KCNT2: variants seen among roughly 807,000 people sequenced by gnomAD.
KCNT2 encodes potassium channel subfamily T member 2.
KCNT2 carries 67 observed loss-of-function variants against 153.8 expected under a neutral mutation model. The observed-to-expected ratio is 0.44, with a 90% CI of 0.36 to 0.53. KCNT2 has a LOEUF of 0.53. Among genes scored for constraint, KCNT2 ranks in the 20% least tolerant of loss-of-function variants. The pLI is 0.00. For missense variants in KCNT2, 975 were observed against 1,354.8 expected (o/e 0.72, Z 4.40); for synonymous variants, 500 against 458.8 (o/e 1.09, Z -1.15).
intron 3 of KCNT2, among the ~76,000 whole-genome samples, chr1:196,486,693 C>T (rs1008047376): frequency 5.8e-5 from 6 of 103,408 alleles, no homozygotes; most frequent in Non-Finnish European, 9.9e-5. Flanking sequence ...CCAAGATGAA[C>T]TCAAAGACTG....
intron 22 of KCNT2, among the ~76,000 whole-genome samples, chr1:196,290,518 A>T (rs1660087220): frequency 6.6e-6 from 1 of 151,886 alleles, no homozygotes; most frequent in Admixed American, 6.6e-5. Context: ...CTTCAAGTAT[A>T]TCTATGCATA....
At chr1:196,374,151 T>G (rs1463943950) in intron 13 of KCNT2, among the ~76,000 whole-genome samples, 1 of 151,864 alleles carries the variant, frequency 6.6e-6, no homozygotes. Context: ...GTATTAAAAA[T>G]AAAGAGAAGG....
chr1:196,288,626 A>G (rs111890501), intron 22 of KCNT2, among the ~76,000 whole-genome samples: 7,537 of 152,168 alleles, frequency 0.05, 284 homozygotes, highest in Non-Finnish European at 0.071. Context: ...GCAGAAACAG[A>G]TCTTATTCAG....
intron 3 of KCNT2, among the ~76,000 whole-genome samples, chr1:196,483,980 C>A (rs1295096269): frequency 6.6e-6 from 1 of 151,956 alleles, no homozygotes; most frequent in Non-Finnish European, 1.5e-5. Context: ...TTTTTATATT[C>A]TGAGTAACAT....
At chr1:196,461,724 A>G (rs1344286267) in intron 8 of KCNT2, among the ~76,000 whole-genome samples, 4 of 151,708 alleles carry the variant, frequency 2.6e-5, no homozygotes, top group Non-Finnish European at 3.0e-5. Flanking sequence ...AGAGGGGTAC[A>G]CTGCCAATAT....
chr1:196,412,919 A>G lies in KCNT2; in HGVS notation c.1185+10131T>C, dbSNP rs1672458498. Among the ~76,000 whole-genome samples the G allele has an allele frequency of 7.2e-5, 11 of 151,818 alleles. No individual in the cohort carries two copies. The South Asian group carries it at 2.3e-3, about 31-fold the overall frequency. On this transcript the variant is annotated intron_variant, in intron 12 of 27. Coordinates refer to ENST00000294725, the MANE Select transcript of KCNT2 (RefSeq NM_198503.5). ...ATGCACAAATGTAACTTCAAAAATG[A>G]AAATTGGGAAATGTAAAATTGAGAT...
intron 22 of KCNT2, 27 bp downstream of exon 22, chr1:196,305,207 A>G: frequency 8.0e-7 from 1 of 1,253,642 alleles, no homozygotes; most frequent in Non-Finnish European, 1.2e-6. Context: ...GGTTAAATCT[A>G]ATTTACTTGA....
chr1:196,589,227 A>C (rs1663047198), intron 1 of KCNT2, among the ~76,000 whole-genome samples: 1 of 150,280 alleles, frequency 6.7e-6, no homozygotes, highest in East Asian at 2.0e-4. Context: ...CCACTTGTGT[A>C]AACATAATCC....
chr1:196,334,148 AAC>A (rs1664761513), intron 16 of KCNT2, 88 bp from the exon 17 acceptor site: 1 of 740,370 alleles, frequency 1.4e-6, no homozygotes, highest in East Asian at 2.7e-5. Flanking sequence ...AAATATAATA[AAC>A]ACAATAAATA....
intron 1 of KCNT2, among the ~76,000 whole-genome samples, chr1:196,551,510 G>C (rs562217277): frequency 7.9e-5 from 12 of 151,592 alleles, no homozygotes; most frequent in Non-Finnish European, 1.6e-4. Flanking sequence ...TTGTATGCTA[G>C]AGACACATGA....
intron 12 of KCNT2, among the ~76,000 whole-genome samples, chr1:196,403,044 A>G (rs1671551296): frequency 6.6e-6 from 1 of 151,702 alleles, no homozygotes; most frequent in Admixed American, 6.6e-5. Context: ...TAACCAAATA[A>G]TCCAGCAATT....
intron 1 of KCNT2, among the ~76,000 whole-genome samples, chr1:196,605,881 C>A (rs1665261504): frequency 6.6e-6 from 1 of 152,046 alleles, no homozygotes; most frequent in Non-Finnish European, 1.5e-5. Flanking sequence ...GTAAATTATT[C>A]TTATAAGTTC....
intron 13 of KCNT2, among the ~76,000 whole-genome samples, chr1:196,374,287 T>A (rs905605190): frequency 6.6e-6 from 1 of 151,752 alleles, no homozygotes; most frequent in Non-Finnish European, 1.5e-5. Flanking sequence ...ACCATACAAT[T>A]TATGAAGAAA....
At chr1:196,405,913 A>G (rs1671793132) in intron 12 of KCNT2, among the ~76,000 whole-genome samples, 1 of 151,602 alleles carries the variant, frequency 6.6e-6, no homozygotes, top group South Asian at 2.1e-4. Context: ...CACTTATAAA[A>G]TAAATAAAGA....
intron 13 of KCNT2, among the ~76,000 whole-genome samples, chr1:196,396,468 C>T (rs1670946633): frequency 6.6e-6 from 1 of 151,568 alleles, no homozygotes; most frequent in African/African-American, 2.4e-5. Flanking sequence ...CTTACACAAA[C>T]TAAGTGACAG....
chr1:196,237,754 C>G (rs1164042240), intron 26 of KCNT2, among the ~76,000 whole-genome samples: 1 of 151,692 alleles, frequency 6.6e-6, no homozygotes, highest in East Asian at 1.9e-4. Context: ...TTTTTATTTG[C>G]TAAACCTGGT....
At chr1:196,518,939 G>A (rs975327311) in intron 1 of KCNT2, among the ~76,000 whole-genome samples, 1 of 151,962 alleles carries the variant, frequency 6.6e-6, no homozygotes, top group Non-Finnish European at 1.5e-5. Context: ...GGACCATATG[G>A]GTATGATAGA....
At chr1:196,342,797 T>A (rs1665795041) in intron 14 of KCNT2, among the ~76,000 whole-genome samples, 1 of 152,100 alleles carries the variant, frequency 6.6e-6, no homozygotes, top group Non-Finnish European at 1.5e-5. Flanking sequence ...TGTATAGCAG[T>A]CACGAAAAGA....
At chr1:196,518,659 C>A (rs537105403) in intron 1 of KCNT2, among the ~76,000 whole-genome samples, 1 of 151,836 alleles carries the variant, frequency 6.6e-6, no homozygotes, top group African/African-American at 2.4e-5. Flanking sequence ...TTTAAACTAA[C>A]AAACAACAAA....
Sources: allele counts gnomAD v4.1 joint callset (sites outside exome capture counted in the v4.1 genomes callset), GRCh38; gene constraint gnomAD v4.1.1; transcripts MANE v1.5; gene names NCBI Gene and HGNC (gene_info 2026-07-23, HGNC 2026-07-21).